Variants in ADAMTS17 observed in about 807,000 individuals in gnomAD.
The protein encoded by ADAMTS17 is A disintegrin and metalloproteinase with thrombospondin motifs 17.
Under a neutral mutation model 141.5 loss-of-function variants are expected in ADAMTS17, and 113 were observed. That is an observed-to-expected ratio of 0.80 (90% CI 0.69 to 0.93). The LOEUF is 0.93. ADAMTS17 is among the 40% of genes least tolerant of loss of function. The pLI is 0.00. For missense variants in ADAMTS17, 1,659 were observed against 1,517.9 expected (o/e 1.09, Z -1.54); for synonymous variants, 768 against 630.6 (o/e 1.22, Z -3.27).
In ADAMTS17 at chr15:100,228,542, C is replaced by T. The variant is rs562323461; in HGVS notation, c.1075+25594G>A. Among the ~76,000 whole-genome samples, 15 of 152,220 alleles carry T rather than the reference C, an allele frequency of 9.9e-5. No individual in the cohort carries two copies. In the East Asian group the frequency reaches 1.2e-3, roughly 12 times the overall value. On this transcript the variant is annotated intron_variant, in intron 7 of 21. Coordinates refer to ENST00000268070, the MANE Select transcript of ADAMTS17 (RefSeq NM_139057.4). ...CTGGACCGAGGAGAAAAGGAAAACT[C>T]GAGGGTGAGAGTGAGCAGGTACATT...
chr15:100,289,946 A>G (rs904193589), intron 3 of ADAMTS17, among the ~76,000 whole-genome samples: 1 of 152,186 alleles, frequency 6.6e-6, no homozygotes, highest in Admixed American at 6.5e-5. Flanking sequence ...TCCGCTTGAG[A>G]ACTGTAACAA....
chr15:100,251,522 G>A (rs2043153909), intron 7 of ADAMTS17, among the ~76,000 whole-genome samples: 2 of 152,204 alleles, frequency 1.3e-5, no homozygotes, highest in Non-Finnish European at 2.9e-5. Context: ...TCAGCAGATC[G>A]AGACCATCCT....
chr15:100,018,658 T>C (rs114114696), intron 18 of ADAMTS17, among the ~76,000 whole-genome samples: 2,358 of 152,302 alleles, frequency 0.015, 58 homozygotes, highest in African/African-American at 0.052. Context: ...GCCTGCAGAA[T>C]TGTGTGCCAA....
At chr15:100,126,835 C>T (rs561846707) in intron 12 of ADAMTS17, among the ~76,000 whole-genome samples, 3 of 152,308 alleles carry the variant, frequency 2.0e-5, no homozygotes, top group Non-Finnish European at 2.9e-5. Flanking sequence ...TGGCCTGTCC[C>T]GGGCCTGCAC....
chr15:100,101,461 C>T (rs896513730), intron 14 of ADAMTS17, among the ~76,000 whole-genome samples: 15 of 152,196 alleles, frequency 9.9e-5, no homozygotes, highest in Non-Finnish European at 1.9e-4. Context: ...GAAATTCCAC[C>T]CTATGGGTTT....
chr15:100,283,362 A>G (rs781356776), intron 3 of ADAMTS17, among the ~76,000 whole-genome samples: 2 of 152,132 alleles, frequency 1.3e-5, no homozygotes, highest in Non-Finnish European at 2.9e-5. Context: ...AAATCTAGTG[A>G]CCTACCCCCA....
At chr15:100,228,713 C>T (rs755439113) in intron 7 of ADAMTS17, among the ~76,000 whole-genome samples, 3 of 152,182 alleles carry the variant, frequency 2.0e-5, no homozygotes, top group South Asian at 2.1e-4. Flanking sequence ...CTCTACCCCT[C>T]GTGTTTCCAT....
chr15:100,073,233 G>C (rs2034112358), intron 15 of ADAMTS17, among the ~76,000 whole-genome samples: 1 of 152,190 alleles, frequency 6.6e-6, no homozygotes, highest in Non-Finnish European at 1.5e-5. Flanking sequence ...ACACCAGTTA[G>C]AATGGCAATC....
intron 18 of ADAMTS17, among the ~76,000 whole-genome samples, chr15:100,015,524 T>C (rs564894922): frequency 6.6e-6 from 1 of 152,370 alleles, no homozygotes; most frequent in Non-Finnish European, 1.5e-5. Flanking sequence ...TTTCAAGATT[T>C]AGAGCTCCTT....
intron 7 of ADAMTS17, among the ~76,000 whole-genome samples, chr15:100,242,169 G>C (rs1322601670): frequency 6.6e-6 from 1 of 152,192 alleles, no homozygotes; most frequent in Admixed American, 6.5e-5. Flanking sequence ...ACTCCGGAGG[G>C]TCACTCGCAT....
At chr15:100,291,543 T>C (rs769793036) in intron 3 of ADAMTS17, among the ~76,000 whole-genome samples, 8 of 152,228 alleles carry the variant, frequency 5.3e-5, no homozygotes, top group Non-Finnish European at 1.2e-4. Context: ...CATGCACGTG[T>C]ATGTTCATCA....
In ADAMTS17 at chr15:99,997,868, G is replaced by A. The variant is rs2060836691; in HGVS notation, c.2592-279C>T. 6.6e-6 allele frequency among the ~76,000 whole-genome samples: 1 copy of A among 152,148 alleles called. No homozygotes were observed. The highest frequency in any genetic ancestry group is 2.4e-5 in the African/African-American group (1 of 41,444). Reference sequence around the variant, plus strand: ...TATCTGGTCACGGCCTCCCTGTAGGGAATTACGTATCTGCTTGTCGTCATA... The same window carrying A: ...TATCTGGTCACGGCCTCCCTGTAGGAAATTACGTATCTGCTTGTCGTCATA... On this transcript the variant is annotated intron_variant, in intron 18 of 21. Coordinates refer to ENST00000268070, the MANE Select transcript of ADAMTS17 (RefSeq NM_139057.4). This position sits in a 1 kb window ranked among gnomAD's most constrained non-coding sequence, Gnocchi z 4.7.
chr15:100,027,940 A>T (rs1431221115), intron 18 of ADAMTS17, among the ~76,000 whole-genome samples: 3 of 152,090 alleles, frequency 2.0e-5, no homozygotes, highest in African/African-American at 7.2e-5. Flanking sequence ...CTTGATAGCC[A>T]CACATTTCTG....
chr15:100,102,954 G>A (rs1051217004), intron 14 of ADAMTS17, among the ~76,000 whole-genome samples: 6 of 152,154 alleles, frequency 3.9e-5, no homozygotes, highest in African/African-American at 1.4e-4. Context: ...TCTTTTCAGT[G>A]GCGACTCTCC....
At chr15:100,124,834 C>A (rs886130930) in intron 12 of ADAMTS17, among the ~76,000 whole-genome samples, 1 of 152,138 alleles carries the variant, frequency 6.6e-6, no homozygotes, top group Non-Finnish European at 1.5e-5. Flanking sequence ...GAACAAGGAC[C>A]GTCTCCTGCT....
At chr15:100,215,228 A>C (rs1258841618) in intron 7 of ADAMTS17, among the ~76,000 whole-genome samples, 1 of 152,214 alleles carries the variant, frequency 6.6e-6, no homozygotes, top group African/African-American at 2.4e-5. Flanking sequence ...TTGGTGAAGC[A>C]AACTTCCCAA....
chr15:100,325,040 C>T (rs999209030), intron 3 of ADAMTS17, among the ~76,000 whole-genome samples: 1 of 152,214 alleles, frequency 6.6e-6, no homozygotes, highest in Non-Finnish European at 1.5e-5. Context: ...CTTTGTGTGG[C>T]CCACTTCTAG....
intron 20 of ADAMTS17, among the ~76,000 whole-genome samples, chr15:99,987,963 C>T (rs568516344): frequency 1.1e-4 from 17 of 152,084 alleles, no homozygotes; most frequent in Non-Finnish European, 2.2e-4. Flanking sequence ...ACACCATACA[C>T]ACACATGGTG....
At chr15:100,178,212 T>C (rs1428874868) in intron 8 of ADAMTS17, among the ~76,000 whole-genome samples, 1 of 152,122 alleles carries the variant, frequency 6.6e-6, no homozygotes, top group East Asian at 1.9e-4. Context: ...ATTTTATTAT[T>C]TGTTTTGTTT....
Sources: allele counts gnomAD v4.1 joint callset (sites outside exome capture counted in the v4.1 genomes callset), GRCh38; gene constraint gnomAD v4.1.1; non-coding constraint Gnocchi (gnomAD v3.1); transcripts MANE v1.5; gene names NCBI Gene and HGNC (gene_info 2026-07-23, HGNC 2026-07-21).